The following TDRD9 variants were observed in gnomAD, a reference collection of about 807,000 sequenced individuals.
TDRD9 encodes ATP-dependent RNA helicase TDRD9.
Under a neutral mutation model 172.6 loss-of-function variants are expected in TDRD9, and 124 were observed. The ratio of observed to expected loss-of-function variants is 0.72; its 90% CI spans 0.62 to 0.83. The LOEUF (loss-of-function observed/expected upper bound fraction) is 0.83. TDRD9 is among the 40% of genes least tolerant of loss of function. TDRD9 has a pLI of 0.00. For synonymous variants in TDRD9, 619 were observed against 617.1 expected (o/e 1.00, Z -0.05); for missense variants, 1,479 against 1,714.1 (o/e 0.86, Z 2.42).
At position 104,005,341 on chromosome 14, in the gene TDRD9, T is replaced by G. The variant is rs1342274064; in HGVS notation, c.1649T>G (p.Leu550Arg). ...LLDMGEPRAL[L>R]ATALSPPGLS... ...GACATGGGTGAGCCGAGAGCTCTGC[T>G]GGCCACTGCCCTTTCCCCGCCTGGT... is the stretch of plus-strand genomic sequence containing the variant. Residue 550 changes from leucine to arginine, a missense_variant, in exon 15 of 36, where the codon CTG becomes CGG. Leu to Arg is a moderately radical substitution (Grantham distance 102, BLOSUM62 -2). Around this residue, in one of 3 missense-constraint regions of TDRD9, gnomAD observed 1,413 missense variants for 1,649.1 expected, o/e 0.86. Transcript: ENST00000409874. 1 of 1,614,034 alleles carries G rather than the reference T, an allele frequency of 6.2e-7. No individual in the cohort carries two copies. Among genetic ancestry groups the G allele is most frequent in the Admixed American group, 1.7e-5 (1 of 60,026 alleles).
At position 104,005,374 on chromosome 14, in the gene TDRD9, A is replaced by G; in HGVS notation, c.1682A>G (p.Asp561Gly). Residue 561 changes from aspartate to glycine, a missense_variant, in exon 15 of 36, where the codon GAC becomes GGC. By Grantham distance (94) the Asp-to-Gly change is moderately conservative. Transcript: ENST00000409874. ...ATALSPPGLS[D>G]IERTILLLKE... ...GCCCTTTCCCCGCCTGGTCTGAGTGACATTGAGCGCACCATCCTTCTACTA... is the reference window on the plus strand; with the variant it reads ...GCCCTTTCCCCGCCTGGTCTGAGTGGCATTGAGCGCACCATCCTTCTACTA... The G allele has an allele frequency of 1.2e-6, 2 of 1,613,948 alleles. No homozygotes were observed. Among genetic ancestry groups the G allele is most frequent in the East Asian group, 2.2e-5 (1 of 44,876 alleles).
intron 20 of TDRD9, among the ~76,000 whole-genome samples, chr14:104,010,409 A>G (rs1310301372): frequency 6.6e-6 from 1 of 152,160 alleles, no homozygotes; most frequent in Non-Finnish European, 1.5e-5. Flanking sequence ...CAGGATCATC[A>G]GTATCACTGT....
chr14:103,985,270 T>A (rs989184465), intron 7 of TDRD9, among the ~76,000 whole-genome samples: 1 of 152,202 alleles, frequency 6.6e-6, no homozygotes, highest in African/African-American at 2.4e-5. Context: ...AATCTCATTT[T>A]GAAATCTCAC....
intron 1 of TDRD9, among the ~76,000 whole-genome samples, chr14:103,950,054 TTTC>T (rs1472527290): frequency 6.6e-6 from 1 of 151,176 alleles, no homozygotes; most frequent in Non-Finnish European, 1.5e-5. Flanking sequence ...CCTTTTTTTT[TTTC>T]TTTTGATGGG....
chr14:103,938,430 A>ATTTTTTTT (rs1566723244), intron 1 of TDRD9, among the ~76,000 whole-genome samples: 3 of 39,906 alleles, frequency 7.5e-5, no homozygotes, highest in African/African-American at 2.2e-4. Flanking sequence ...ATATATATAT[A>ATTTTTTTT]TATATATATA....
rs188812967 is a variant in TDRD9, at chr14:104,025,809, A to T, written c.2931+33A>T. 2.3e-4 allele frequency: 344 copies of T among 1,521,004 alleles called. 6 individuals carry two copies. In the South Asian group the frequency reaches 2.6e-3, roughly 11 times the overall value. The allele number at this position is 1,521,004 out of a possible 1,614,324, so 94.2% of individuals were successfully genotyped here. On this transcript the variant is annotated intron_variant, in intron 26 of 35. Coordinates refer to ENST00000409874, the MANE Select transcript of TDRD9 (RefSeq NM_153046.3). ...TTTCTGTAACAAGTCACTGGAAGGG[A>T]AATGAGACAGACAGACGTACAGCAG...
At chr14:104,001,126 C>T (rs1465640899) in intron 13 of TDRD9, among the ~76,000 whole-genome samples, 1 of 152,150 alleles carries the variant, frequency 6.6e-6, no homozygotes, top group Non-Finnish European at 1.5e-5. Flanking sequence ...GCAGTTTGAT[C>T]CCATGTGTAA....
intron 22 of TDRD9, 40 bp downstream of exon 22, chr14:104,016,128 G>T (rs1359606651): frequency 7.3e-7 from 1 of 1,373,276 alleles, no homozygotes; most frequent in African/African-American, 1.4e-5. Context: ...GGGGTGTGGT[G>T]GGGCAGAACA....
In TDRD9 at chr14:104,026,599, G is replaced by A. The variant is rs1021881464; in HGVS notation, c.3022-80G>A. Reference sequence around the variant, plus strand: ...AATATTATTGAAGGTACATGAACAAGGTCTGTTTTCAGTGGTATTTGGGAT... The same window carrying A: ...AATATTATTGAAGGTACATGAACAAAGTCTGTTTTCAGTGGTATTTGGGAT... On this transcript the variant is annotated intron_variant, in intron 27 of 35. Coordinates refer to ENST00000409874, the MANE Select transcript of TDRD9 (RefSeq NM_153046.3). 1.7e-5 allele frequency: 25 copies of A among 1,487,702 alleles called. No individual in the cohort carries two copies. The African/African-American group carries it at 2.8e-4, about 17-fold the overall frequency. 92.2% of individuals were successfully genotyped at this position (1,487,702 alleles called of 1,614,324 possible).
At chr14:104,011,044 C>T (rs1014659747) in intron 20 of TDRD9, among the ~76,000 whole-genome samples, 4 of 152,142 alleles carry the variant, frequency 2.6e-5, no homozygotes, top group Admixed American at 6.5e-5. Flanking sequence ...AAACGTGTTG[C>T]CCTACAACAG....
intron 5 of TDRD9, among the ~76,000 whole-genome samples, chr14:103,967,868 G>T (rs188328479): frequency 1.3e-5 from 2 of 152,284 alleles, no homozygotes; most frequent in Non-Finnish European, 2.9e-5. Context: ...CCAAAAGATG[G>T]CATTATGAAG....
Position 103,955,763 on chromosome 14 carries a change from T to C in TDRD9, c.315T>C (p.Ser105=), listed in dbSNP as rs1459874379. ...TGTGTCGCAGTGTCCAACCAACCAG[T>C]GGGCCAGGTAAACAGGTCTCTTTAA... ...LDVCRSVQPT[S]GPGPRPSLAK... is the part of the protein sequence containing the mutation. The change falls in exon 2 of 36, where the codon AGT becomes AGC. Residue 105 remains serine, a synonymous_variant. Transcript: ENST00000409874. 4 of 1,550,802 alleles carry C rather than the reference T, an allele frequency of 2.6e-6. No individual in the cohort carries two copies. The highest frequency in any genetic ancestry group is 2.6e-6 in the Non-Finnish European group (3 of 1,146,628).
chr14:104,038,377 C>A (rs1021708783), intron 32 of TDRD9, among the ~76,000 whole-genome samples: 4 of 152,196 alleles, frequency 2.6e-5, no homozygotes, highest in Non-Finnish European at 4.4e-5. Flanking sequence ...TGGCTAAAAA[C>A]AAGCTACCCC....
At chr14:103,983,809 A>G (rs2033571189) in intron 7 of TDRD9, among the ~76,000 whole-genome samples, 1 of 152,232 alleles carries the variant, frequency 6.6e-6, no homozygotes, top group South Asian at 2.1e-4. Context: ...TGGAGGGCCT[A>G]GAAGGAGACA....
intron 35 of TDRD9, among the ~76,000 whole-genome samples, chr14:104,051,197 G>C (rs1443527560): frequency 1.3e-5 from 2 of 152,084 alleles, no homozygotes; most frequent in Non-Finnish European, 2.9e-5. Context: ...CCACTTTTAG[G>C]TGAGAACAGG....
chr14:104,038,065 C>T (rs2035503726), intron 32 of TDRD9, among the ~76,000 whole-genome samples: 1 of 152,110 alleles, frequency 6.6e-6, no homozygotes. Context: ...CTGTACTCAC[C>T]TCCTTCCCTT....
intron 6 of TDRD9, among the ~76,000 whole-genome samples, chr14:103,971,182 A>G (rs1380245012): frequency 6.6e-6 from 1 of 150,470 alleles, no homozygotes; most frequent in Non-Finnish European, 1.5e-5. Context: ...GCGGGGTTTC[A>G]TCGTGTTAGC....
chr14:103,936,078 T>G (rs999272788), intron 1 of TDRD9, among the ~76,000 whole-genome samples: 6 of 151,976 alleles, frequency 3.9e-5, no homozygotes, highest in Non-Finnish European at 8.8e-5. Flanking sequence ...GCAAGGTAAT[T>G]ACTGGTGATA....
At chr14:103,970,328 A>G (rs1256060681) in intron 5 of TDRD9, among the ~76,000 whole-genome samples, 1 of 152,026 alleles carries the variant, frequency 6.6e-6, no homozygotes, top group Non-Finnish European at 1.5e-5. Context: ...CTAAGGAGAA[A>G]CACTGGGGGC....
Sources: allele counts gnomAD v4.1 joint callset (sites outside exome capture counted in the v4.1 genomes callset), GRCh38; gene constraint gnomAD v4.1.1; regional missense constraint gnomAD v4.1.1; transcripts MANE v1.5; gene names NCBI Gene and HGNC (gene_info 2026-07-23, HGNC 2026-07-21).